STK35: variants seen among roughly 807,000 people sequenced by gnomAD.
STK35 encodes serine/threonine kinase 35, also known as serine/threonine-protein kinase 35.
A neutral mutation model predicts 37.3 loss-of-function variants in STK35; 17 were observed. That is an observed-to-expected ratio of 0.46 (90% CI 0.31 to 0.68). STK35 has a LOEUF of 0.68. STK35 is among the 30% of genes least tolerant of loss of function. STK35 has a pLI of 0.05. For synonymous variants in STK35, 385 were observed against 319.1 expected (o/e 1.21, Z -2.20); for missense variants, 595 against 746.7 (o/e 0.80, Z 2.37).
chr20:2,107,565 A>G (rs1310501140), intron 2 of STK35, among the ~76,000 whole-genome samples: 1 of 152,234 alleles, frequency 6.6e-6, no homozygotes, highest in Non-Finnish European at 1.5e-5. Flanking sequence ...AAGTGGTAGC[A>G]TCTTAGAAAA....
chr20:2,115,505 C>T (rs964820775), intron 2 of STK35, among the ~76,000 whole-genome samples: 2 of 152,082 alleles, frequency 1.3e-5, no homozygotes, highest in South Asian at 2.1e-4. Flanking sequence ...CAGGCCCAGC[C>T]TCTCCTCATC....
At position 2,147,314 on chromosome 20, in the gene STK35, C is replaced by T. The variant is rs1986288386; in HGVS notation, c.*3568C>T. The T allele has an allele frequency of 6.5e-6, 1 of 152,788 alleles. No individual in the cohort carries two copies. Among genetic ancestry groups the T allele is most frequent in the African/African-American group, 2.4e-5 (1 of 41,472 alleles). The allele number at this position is 152,788 out of a possible 1,614,324, so 9.5% of individuals were successfully genotyped here. A position where few individuals can be genotyped will look rare whatever the true frequency, so the allele number is the denominator to read the frequency against. On this transcript the variant is annotated 3_prime_UTR_variant, in exon 4 of 4. Coordinates refer to ENST00000381482, the MANE Select transcript of STK35 (RefSeq NM_080836.4). ...TTCCCCTCCTCCAAGATCTCAGCTC[C>T]TTAACATATCAGTTGTCTCCTAGCC... is the stretch of plus-strand genomic sequence containing the variant.
chr20:2,102,625 C>T, intron 1 of STK35, 143 bp from the exon 2 acceptor site: 2 of 724,894 alleles, frequency 2.8e-6, no homozygotes, highest in Non-Finnish European at 4.0e-6. Context: ...TTTCCCCTCC[C>T]CTCCCCCGTT....
rs765229993 is a variant in STK35 at position 2,103,110 on chromosome 20, T to TA, written c.638dup (p.Tyr213Ter). Residue 213 changes from tyrosine (Y) to a stop codon, truncating the protein, a stop_gained and frameshift_variant, in exon 2 of 4, where the codon TAC becomes TAAC. Coordinates refer to ENST00000381482, the MANE Select transcript of STK35 (RefSeq NM_080836.4). LOFTEE classifies it high-confidence loss of function. ...SLLAEIGRGS[Y>*]GVVYEAVAGR... is the part of the protein sequence containing the mutation. ...GTTGGCGGAGATCGGGCGCGGCAGC[T>TA]ACGGCGTGGTTTATGAGGCAGTGGC... 6.2e-7 allele frequency: 1 copy of TA among 1,601,864 alleles called. No individual in the cohort carries two copies. The highest frequency in any genetic ancestry group is 8.5e-7 in the Non-Finnish European group (1 of 1,178,940).
At position 2,117,416 on chromosome 20, in the gene STK35, G is replaced by C. The variant is rs1408308989; in HGVS notation, c.*37+1G>C. On this transcript the variant is annotated splice_donor_variant, in intron 3 of 3. Transcript: ENST00000381482. LOFTEE classifies it low-confidence loss of function (3UTR_SPLICE). This position sits in a 1 kb window ranked among gnomAD's most constrained non-coding sequence, Gnocchi z 4.4. ...AGCATTTTGGGTGATTTTAAACTAG[G>C]TGAGTGCTCTCTGTTGTTGTTTTTT... 1.3e-6 allele frequency: 2 copies of C among 1,504,164 alleles called. No individual in the cohort carries two copies. Among genetic ancestry groups the C allele is most frequent in the African/African-American group, 1.4e-5 (1 of 71,600 alleles). The allele number at this position is 1,504,164 out of a possible 1,614,324, so 93.2% of individuals were successfully genotyped here.
intron 3 of STK35, among the ~76,000 whole-genome samples, chr20:2,123,047 G>T (rs778235330): frequency 6.6e-6 from 1 of 152,194 alleles, no homozygotes; most frequent in Non-Finnish European, 1.5e-5. Context: ...CCAAACTGAT[G>T]TTCCAGGTGC....
rs185642254 is a variant in STK35 at position 2,127,095 on chromosome 20, A to G, written c.*37+9680A>G. Among the ~76,000 whole-genome samples the G allele has an allele frequency of 3.5e-3, 535 of 152,248 alleles. 3 individuals carry two copies. Among genetic ancestry groups the G allele is most frequent in the African/African-American group, 0.011 (471 of 41,512 alleles). On this transcript the variant is annotated intron_variant, in intron 3 of 3. Transcript: ENST00000381482. Reference sequence around the variant, plus strand: ...TCGGAGGCCTGGTAGTGTAGCTGTAACAGGAGGCAGGTTGGCTTTGTTATA... The same window carrying G: ...TCGGAGGCCTGGTAGTGTAGCTGTAGCAGGAGGCAGGTTGGCTTTGTTATA...
chr20:2,142,442 G>A (rs537219100), intron 3 of STK35, among the ~76,000 whole-genome samples: 1 of 152,208 alleles, frequency 6.6e-6, no homozygotes, highest in Non-Finnish European at 1.5e-5. Flanking sequence ...TGCTGGCTCT[G>A]CCTGACAAAG....
chr20:2,115,713 C>T lies in STK35; in HGVS notation c.893-953C>T, dbSNP rs117562584. ...ATCTGTCTTGTACATCGACTTTAGA[C>T]TCCACTGTTCCCACCAGACTTCCAA... On this transcript the variant is annotated intron_variant, in intron 2 of 3. Coordinates refer to ENST00000381482, the MANE Select transcript of STK35 (RefSeq NM_080836.4). Among the ~76,000 whole-genome samples, 704 of 152,332 alleles carry T rather than the reference C, an allele frequency of 4.6e-3. 4 individuals are homozygous for T. The highest frequency in any genetic ancestry group is 7.3e-3 in the Non-Finnish European group (499 of 68,030).
At chr20:2,113,128 G>C (rs558378982) in intron 2 of STK35, among the ~76,000 whole-genome samples, 98 of 152,210 alleles carry the variant, frequency 6.4e-4, no homozygotes, top group African/African-American at 2.0e-3. Flanking sequence ...TTTGGAACTT[G>C]TGTTCAGTAA....
intron 3 of STK35, among the ~76,000 whole-genome samples, chr20:2,130,867 A>T (rs1011328262): frequency 2.7e-4 from 39 of 145,592 alleles, no homozygotes; most frequent in African/African-American, 1.1e-3. Flanking sequence ...TCCTTTGGCC[A>T]TCCCGTCACA....
chr20:2,119,205 T>A (rs1985773956), intron 3 of STK35, among the ~76,000 whole-genome samples: 1 of 152,246 alleles, frequency 6.6e-6, no homozygotes, highest in Non-Finnish European at 1.5e-5. Context: ...GTTTTATAGC[T>A]GTTTAAGGAG....
In STK35 at chr20:2,116,991, T is replaced by G; in HGVS notation, c.1218T>G (p.Asn406Lys). The G allele has an allele frequency of 6.2e-7, 1 of 1,614,188 alleles. No individual in the cohort carries two copies. The highest frequency in any genetic ancestry group is 8.5e-7 in the Non-Finnish European group (1 of 1,180,048). ...GCAATCAAGACAACAAAAATGTGAA[T>G]GTGAATAAGTACTGGCTGTCCTCAG... ...KEGNQDNKNV[N>K]VNKYWLSSAC... is the part of the protein sequence containing the mutation. The change falls in exon 3 of 4, where the codon AAT becomes AAG. Residue 406 changes from asparagine (N) to lysine (K), a missense_variant. Asn to Lys is a moderately conservative substitution (Grantham distance 94). This residue lies in a region of STK35 where 109 missense variants were observed against 280.3 expected (regional missense o/e 0.39). Coordinates refer to ENST00000381482, the MANE Select transcript of STK35 (RefSeq NM_080836.4).
At chr20:2,124,224 T>C (rs1452696435) in intron 3 of STK35, among the ~76,000 whole-genome samples, 2 of 152,144 alleles carry the variant, frequency 1.3e-5, no homozygotes, top group African/African-American at 4.8e-5. Context: ...ATGGAACACT[T>C]AGTAGGGCTT....
At chr20:2,111,403 A>G (rs920998412) in intron 2 of STK35, among the ~76,000 whole-genome samples, 5 of 152,236 alleles carry the variant, frequency 3.3e-5, no homozygotes, top group African/African-American at 9.6e-5. Flanking sequence ...CATCTCTAAA[A>G]TACGTCAGTG....
intron 3 of STK35, among the ~76,000 whole-genome samples, chr20:2,123,863 C>T (rs1002190544): frequency 6.6e-5 from 10 of 152,112 alleles, no homozygotes; most frequent in African/African-American, 2.4e-4. Flanking sequence ...GTACCTGGTG[C>T]CTGGCTGAGG....
At chr20:2,129,066 A>G (rs898858304) in intron 3 of STK35, among the ~76,000 whole-genome samples, 1 of 151,894 alleles carries the variant, frequency 6.6e-6, no homozygotes. Flanking sequence ...CTCGTGATCC[A>G]CCCGCCTCGG....
Position 2,146,731 on chromosome 20 carries a change from C to G in STK35, c.*2985C>G, listed in dbSNP as rs1008846753. 2.0e-5 allele frequency: 3 copies of G among 152,874 alleles called. No individual in the cohort carries two copies. The highest frequency in any genetic ancestry group is 7.2e-5 in the African/African-American group (3 of 41,574). 9.5% of individuals were successfully genotyped at this position (152,874 alleles called of 1,614,324 possible). On this transcript the variant is annotated 3_prime_UTR_variant, in exon 4 of 4. Transcript: ENST00000381482. The stretch of plus-strand genomic sequence containing the variant: ...CACCCTCACCCCCAACACCCTCTTC[C>G]TGAGGGCTGTAGCCAGGTCCGCATC...
intron 3 of STK35, among the ~76,000 whole-genome samples, chr20:2,127,798 C>T (rs560435291): frequency 2.0e-5 from 3 of 152,228 alleles, no homozygotes; most frequent in African/African-American, 4.8e-5. Flanking sequence ...CTCGCTCCTG[C>T]TCTTAGAACT....
Sources: allele counts gnomAD v4.1 joint callset (sites outside exome capture counted in the v4.1 genomes callset), GRCh38; gene constraint gnomAD v4.1.1; regional missense constraint gnomAD v4.1.1; non-coding constraint Gnocchi (gnomAD v3.1); transcripts MANE v1.5; gene names NCBI Gene and HGNC (gene_info 2026-07-23, HGNC 2026-07-21).